Variants in MAMDC2 observed in about 807,000 individuals in gnomAD.
The protein encoded by MAMDC2 is MAM domain-containing protein 2.
MAMDC2 carries 57 observed loss-of-function variants against 89.8 expected under a neutral mutation model. The ratio of observed to expected loss-of-function variants is 0.63; its 90% confidence interval spans 0.51 to 0.79. The LOEUF (loss-of-function observed/expected upper bound fraction) is 0.79, where lower values mean the gene tolerates loss of function less well. Ranked by LOEUF, MAMDC2 falls within the 30% of genes least tolerant of loss-of-function variation. MAMDC2 has a pLI of 0.00. For synonymous variants in MAMDC2, 313 were observed against 293.4 expected (o/e 1.07, Z -0.68); for missense variants, 800 against 820.6 (o/e 0.97, Z 0.31).
intron 9 of MAMDC2, among the ~76,000 whole-genome samples, chr9:70,167,977 A>G (rs765540077): frequency 8.5e-5 from 13 of 152,198 alleles, no homozygotes; most frequent in Non-Finnish European, 1.9e-4. Context: ...CAAAAAATCA[A>G]TAGTGTTTGT....
intron 5 of MAMDC2, among the ~76,000 whole-genome samples, chr9:70,119,511 T>C (rs1412386691): frequency 2.0e-5 from 3 of 152,210 alleles, no homozygotes; most frequent in Admixed American, 6.5e-5. Flanking sequence ...TTAATTTTCT[T>C]ACCATTTTCT....
At chr9:70,203,163 C>T (rs1587567154) in intron 11 of MAMDC2, among the ~76,000 whole-genome samples, 2 of 151,442 alleles carry the variant, frequency 1.3e-5, no homozygotes. Context: ...ATGGTCTTTA[C>T]ATTTTGGCAT....
intron 9 of MAMDC2, among the ~76,000 whole-genome samples, chr9:70,144,261 TAAC>T (rs756013482): frequency 2.6e-5 from 4 of 152,256 alleles, no homozygotes; most frequent in Non-Finnish European, 5.9e-5. Context: ...GCTTTAAGGT[TAAC>T]AACCTAAGGC....
intron 12 of MAMDC2, among the ~76,000 whole-genome samples, chr9:70,220,784 C>T (rs2033540746): frequency 6.6e-6 from 1 of 152,192 alleles, no homozygotes; most frequent in Non-Finnish European, 1.5e-5. Flanking sequence ...GTCACAAGCA[C>T]TGCATGATTT....
At chr9:70,167,406 C>A (rs1030587751) in intron 9 of MAMDC2, among the ~76,000 whole-genome samples, 7 of 151,922 alleles carry the variant, frequency 4.6e-5, no homozygotes, top group Admixed American at 6.6e-5. Context: ...GCAAAAGAAC[C>A]CTACTGATAA....
At chr9:70,076,700 G>A (rs996290360) in intron 2 of MAMDC2, among the ~76,000 whole-genome samples, 1 of 152,106 alleles carries the variant, frequency 6.6e-6, no homozygotes, top group Non-Finnish European at 1.5e-5. Context: ...TCTGTATGAT[G>A]CCTCTCTCCT....
chr9:70,099,890 G>A (rs1377314343), intron 2 of MAMDC2, among the ~76,000 whole-genome samples: 6 of 151,756 alleles, frequency 4.0e-5, no homozygotes, highest in African/African-American at 1.2e-4. Flanking sequence ...CAGGAGAATC[G>A]CTTGAACCTG....
intron 11 of MAMDC2, chr9:70,171,264 C>G (rs1334169946): frequency 6.6e-6 from 1 of 152,174 alleles, no homozygotes; most frequent in Non-Finnish European, 1.5e-5. Context: ...TTTGGGAGGC[C>G]AAGGTGAGAG....
chr9:70,130,008 C>CTG (rs71364580), intron 6 of MAMDC2, among the ~76,000 whole-genome samples: 2,482 of 147,150 alleles, frequency 0.017, 29 homozygotes, highest in South Asian at 0.026. Context: ...ACATGGCATT[C>CTG]TGTGTGTGTG....
intron 11 of MAMDC2, chr9:70,217,305 G>C: frequency 1.5e-6 from 2 of 1,367,102 alleles, no homozygotes; most frequent in Non-Finnish European, 2.1e-6. Flanking sequence ...CGAAATGCGA[G>C]TCGGCATTCC....
chr9:70,150,137 A>T (rs1367619911), intron 9 of MAMDC2, among the ~76,000 whole-genome samples: 2 of 152,208 alleles, frequency 1.3e-5, no homozygotes, highest in African/African-American at 4.8e-5. Flanking sequence ...TCAGAGATCA[A>T]GAGTTTTCCA....
At chr9:70,075,609 G>A (rs1827512645) in intron 2 of MAMDC2, among the ~76,000 whole-genome samples, 1 of 152,202 alleles carries the variant, frequency 6.6e-6, no homozygotes. Flanking sequence ...TTGATGGCAA[G>A]AAAGCAACAG....
At chr9:70,119,742 TC>T (rs1481875064) in intron 5 of MAMDC2, among the ~76,000 whole-genome samples, 2 of 152,228 alleles carry the variant, frequency 1.3e-5, no homozygotes, top group Non-Finnish European at 2.9e-5. Context: ...TTCACCTTTT[TC>T]TTCCCTACTT....
At position 70,222,331 on chromosome 9, in the gene MAMDC2, C is replaced by A. The variant is rs115610203; in HGVS notation, c.1912-3419C>A. Among the ~76,000 whole-genome samples the A allele has an allele frequency of 2.4e-3, 364 of 152,122 alleles. 1 individual carries two copies. Among genetic ancestry groups the A allele is most frequent in the African/African-American group, 8.3e-3 (346 of 41,508 alleles). On this transcript the variant is annotated intron_variant, in intron 12 of 13. Transcript: ENST00000377182. ...TAAGTTTTCTATGTCTATTAGAAATCCAAATGGTTGTAAGTAAATAATAGG... is the reference window on the plus strand; with the variant it reads ...TAAGTTTTCTATGTCTATTAGAAATACAAATGGTTGTAAGTAAATAATAGG...
At chr9:70,106,351 T>C (rs1398894862) in intron 2 of MAMDC2, among the ~76,000 whole-genome samples, 1 of 149,988 alleles carries the variant, frequency 6.7e-6, no homozygotes, top group East Asian at 1.9e-4. Context: ...TTTCCTCTTT[T>C]ATACTCCATG....
At chr9:70,074,997 C>T (rs1026797188) in intron 2 of MAMDC2, among the ~76,000 whole-genome samples, 9 of 152,104 alleles carry the variant, frequency 5.9e-5, no homozygotes, top group Admixed American at 4.6e-4. Flanking sequence ...GTTCTGTTAC[C>T]ATGGAAGATG....
At chr9:70,113,652 T>A (rs1229666010) in intron 5 of MAMDC2, 1 of 154,018 alleles carries the variant, frequency 6.5e-6, no homozygotes, top group Non-Finnish European at 1.4e-5. Flanking sequence ...AAATGGGAGG[T>A]GAGGTTGTGT....
chr9:70,066,373 A>T (rs958226805), intron 2 of MAMDC2, among the ~76,000 whole-genome samples: 1 of 152,234 alleles, frequency 6.6e-6, no homozygotes, highest in African/African-American at 2.4e-5. Flanking sequence ...AGAGGTAGCC[A>T]GGCCAGAGCA....
At chr9:70,093,060 T>C (rs920586574) in intron 2 of MAMDC2, among the ~76,000 whole-genome samples, 3 of 152,174 alleles carry the variant, frequency 2.0e-5, no homozygotes, top group Admixed American at 1.3e-4. Flanking sequence ...CATACATACA[T>C]ACACACATAT....
Sources: allele counts gnomAD v4.1 joint callset (sites outside exome capture counted in the v4.1 genomes callset), GRCh38; gene constraint gnomAD v4.1.1; transcripts MANE v1.5; gene names NCBI Gene and HGNC (gene_info 2026-07-23, HGNC 2026-07-21).